The following TRAPPC9 variants were observed in gnomAD, a reference collection of about 807,000 sequenced individuals.
TRAPPC9 encodes trafficking protein particle complex subunit 9.
TRAPPC9 carries 83 observed loss-of-function variants against 124.0 expected under a neutral mutation model. The observed-to-expected ratio is 0.67, with a 90% CI of 0.56 to 0.80. The LOEUF is 0.80. Ranked by LOEUF, TRAPPC9 falls within the 30% of genes least tolerant of loss-of-function variation. TRAPPC9 has a pLI of 0.00. For synonymous variants in TRAPPC9, 638 were observed against 617.5 expected, an observed-to-expected ratio of 1.03 and a Z score of -0.49; for missense variants, 1,302 against 1,508.3, an observed-to-expected ratio of 0.86 and a Z score of 2.27.
chr8:140,141,201 C>T (rs547630870), intron 17 of TRAPPC9, among the ~76,000 whole-genome samples: 6 of 152,264 alleles, frequency 3.9e-5, no homozygotes, highest in South Asian at 4.1e-4. Context: ...TTCAGCTGCC[C>T]GTGGTCAACC....
At chr8:140,217,356 C>T (rs747478932) in intron 17 of TRAPPC9, among the ~76,000 whole-genome samples, 16 of 152,060 alleles carry the variant, frequency 1.1e-4, no homozygotes, top group Admixed American at 6.5e-5. Flanking sequence ...GAGGAAGACA[C>T]GAAGCAGCAC....
intron 17 of TRAPPC9, among the ~76,000 whole-genome samples, chr8:140,045,658 A>C (rs865937270): frequency 3.4e-5 from 5 of 148,968 alleles, no homozygotes; most frequent in African/African-American, 5.0e-5. Context: ...AAAAAAAAAA[A>C]ACCAAGTCAG....
chr8:139,779,839 G>T (rs928529656), intron 21 of TRAPPC9, among the ~76,000 whole-genome samples: 4 of 152,120 alleles, frequency 2.6e-5, no homozygotes, highest in African/African-American at 9.7e-5. Flanking sequence ...AGGACACAAG[G>T]TTAATATACA....
chr8:140,046,279 C>T (rs972273975), intron 17 of TRAPPC9, among the ~76,000 whole-genome samples: 2 of 152,270 alleles, frequency 1.3e-5, no homozygotes, highest in African/African-American at 2.4e-5. Flanking sequence ...GCTATGAAAC[C>T]TTTTCTCTCC....
chr8:139,921,242 G>A (rs573359226), intron 19 of TRAPPC9, among the ~76,000 whole-genome samples: 2 of 152,354 alleles, frequency 1.3e-5, no homozygotes, highest in African/African-American at 4.8e-5. Flanking sequence ...TCACATCACG[G>A]CAGAAACAGG....
chr8:140,115,697 G>A (rs1689003678), intron 17 of TRAPPC9, among the ~76,000 whole-genome samples: 1 of 152,212 alleles, frequency 6.6e-6, no homozygotes, highest in African/African-American at 2.4e-5. Context: ...GCACAGAGCA[G>A]GGGCTGGATA....
At chr8:139,846,192 G>A (rs973103339) in intron 21 of TRAPPC9, among the ~76,000 whole-genome samples, 1 of 152,254 alleles carries the variant, frequency 6.6e-6, no homozygotes, top group Non-Finnish European at 1.5e-5. Context: ...GGTAGAGGCT[G>A]TGTGAACAGT....
chr8:140,063,925 CCT>C lies in TRAPPC9; in HGVS notation c.2557-39848_2557-39847del, dbSNP rs1251596593. ...CCGAAACATGCTGGCCCCTGCTCTG[CCT>C]CTCTGTTGACACTGTGTCTCCTCTT... On this transcript the variant is annotated intron_variant, in intron 17 of 22. Coordinates refer to ENST00000438773, the MANE Select transcript of TRAPPC9 (RefSeq NM_001160372.4). This position sits in a 1 kb window ranked among gnomAD's most constrained non-coding sequence, Gnocchi z 4.3. Among the ~76,000 whole-genome samples, 1 of 151,894 alleles carries C rather than the reference CCT, an allele frequency of 6.6e-6. No homozygotes were observed. Among genetic ancestry groups the C allele is most frequent in the Admixed American group, 6.6e-5 (1 of 15,234 alleles).
At chr8:139,839,836 G>A (rs1203443853) in intron 21 of TRAPPC9, among the ~76,000 whole-genome samples, 1 of 152,120 alleles carries the variant, frequency 6.6e-6, no homozygotes, top group Non-Finnish European at 1.5e-5. Context: ...AGTGCCAGCC[G>A]GTGCCAGGCA....
chr8:140,385,757 A>AATACTAT (rs2068739142), intron 7 of TRAPPC9, among the ~76,000 whole-genome samples: 1 of 152,238 alleles, frequency 6.6e-6, no homozygotes, highest in Non-Finnish European at 1.5e-5. Context: ...AGCTGGTACC[A>AATACTAT]TTCCTTCTGA....
intron 17 of TRAPPC9, among the ~76,000 whole-genome samples, chr8:140,036,784 G>C (rs1349888165): frequency 6.6e-6 from 1 of 152,166 alleles, no homozygotes; most frequent in African/African-American, 2.4e-5. Flanking sequence ...GGGGTTCCTT[G>C]GAAGCTAAGA....
intron 17 of TRAPPC9, chr8:140,098,034 G>A (rs1318590004): frequency 6.6e-6 from 1 of 151,004 alleles, no homozygotes; most frequent in Non-Finnish European, 1.5e-5. Context: ...TGTCACCCAG[G>A]TAGCTCTCAG....
intron 17 of TRAPPC9, among the ~76,000 whole-genome samples, chr8:140,180,870 G>GTT (rs2062185773): frequency 6.6e-6 from 1 of 152,098 alleles, no homozygotes; most frequent in African/African-American, 2.4e-5. Context: ...CTGTGTGTGT[G>GTT]TGTCCATCCT....
intron 7 of TRAPPC9, among the ~76,000 whole-genome samples, chr8:140,374,048 T>C (rs572725079): frequency 2.0e-5 from 3 of 152,384 alleles, no homozygotes; most frequent in South Asian, 2.1e-4. Context: ...TTTTCTTCTA[T>C]GGTTAGTGCC....
chr8:140,089,704 G>C (rs1484680420), intron 17 of TRAPPC9, among the ~76,000 whole-genome samples: 1 of 152,146 alleles, frequency 6.6e-6, no homozygotes, highest in East Asian at 1.9e-4. Flanking sequence ...CCAGAGCCAA[G>C]CAGAGGGTCT....
chr8:140,188,180 G>C (rs2062394414), intron 17 of TRAPPC9, among the ~76,000 whole-genome samples: 1 of 152,192 alleles, frequency 6.6e-6, no homozygotes, highest in African/African-American at 2.4e-5. Flanking sequence ...TTGAGGGTGG[G>C]GGAGATTTCC....
At chr8:140,404,844 A>G (rs1167411688) in intron 6 of TRAPPC9, among the ~76,000 whole-genome samples, 8 of 146,084 alleles carry the variant, frequency 5.5e-5, no homozygotes, top group East Asian at 4.2e-4. Flanking sequence ...ATGCGTGTGT[A>G]CGTGCCTGTG....
chr8:140,227,675 AG>A (rs1201328812), intron 16 of TRAPPC9, among the ~76,000 whole-genome samples: 1 of 152,378 alleles, frequency 6.6e-6, no homozygotes, highest in East Asian at 1.9e-4. Flanking sequence ...TGCAGGGGAA[AG>A]AAAAAGCAGA....
chr8:140,348,119 G>A (rs7845680), intron 9 of TRAPPC9, among the ~76,000 whole-genome samples: 5,607 of 152,278 alleles, frequency 0.037, 143 homozygotes, highest in Non-Finnish European at 0.05. Flanking sequence ...CCCCCTTTCC[G>A]AGGCGCTGGG....
Sources: gnomAD v4.1 joint callset for allele counts (sites outside exome capture counted in the v4.1 genomes callset) on GRCh38, gnomAD v4.1.1 for gene constraint, Gnocchi (gnomAD v3.1) non-coding constraint, MANE v1.5 for transcripts, NCBI Gene and HGNC (gene_info 2026-07-23, HGNC 2026-07-21) for gene names.